NAV2: variants seen among roughly 807,000 people sequenced by gnomAD.
NAV2 encodes helicase, APC down-regulated 1.
Under a neutral mutation model 223.2 loss-of-function variants are expected in NAV2, and 54 were observed. The observed-to-expected ratio is 0.24, with a 90% CI of 0.19 to 0.30. The LOEUF (loss-of-function observed/expected upper bound fraction) is 0.30, where lower values mean the gene tolerates loss of function less well. Among genes scored for constraint, NAV2 ranks in the 10% least tolerant of loss-of-function variants. The pLI is 1.00. For synonymous variants in NAV2, 1,279 were observed against 1,239.3 expected (o/e 1.03, Z -0.67); for missense variants, 2,806 against 3,147.5 (o/e 0.89, Z 2.60).
chr11:20,080,697 A>C (rs1241487261), intron 25 of NAV2, among the ~76,000 whole-genome samples: 1 of 152,234 alleles, frequency 6.6e-6, no homozygotes, highest in East Asian at 1.9e-4. Flanking sequence ...TGTCCTATAA[A>C]TAAAAGTGTC....
At chr11:20,063,043 A>T (rs1043767957) in intron 20 of NAV2, among the ~76,000 whole-genome samples, 1 of 152,250 alleles carries the variant, frequency 6.6e-6, no homozygotes, top group African/African-American at 2.4e-5. Flanking sequence ...TTCCTACCTT[A>T]TAGAGGTGTA....
intron 1 of NAV2, among the ~76,000 whole-genome samples, chr11:19,806,266 C>T (rs1477028626): frequency 1.3e-5 from 2 of 152,206 alleles, no homozygotes; most frequent in African/African-American, 2.4e-5. Context: ...GAAAATATTC[C>T]TTTCCTGACT....
chr11:19,501,723 G>C (rs561715808), intron 1 of NAV2, among the ~76,000 whole-genome samples: 4 of 151,748 alleles, frequency 2.6e-5, no homozygotes, highest in African/African-American at 9.7e-5. Flanking sequence ...TAGGAGAAAT[G>C]GATTTATTTT....
At chr11:20,085,962 C>G (rs566117744) in intron 26 of NAV2, among the ~76,000 whole-genome samples, 1 of 152,300 alleles carries the variant, frequency 6.6e-6, no homozygotes, top group African/African-American at 2.4e-5. Context: ...CCACCCCAGC[C>G]TCCCAATGAG....
At chr11:19,825,130 A>C (rs10833181) in intron 1 of NAV2, among the ~76,000 whole-genome samples, 34,065 of 151,206 alleles carry the variant, frequency 0.23, 4,292 homozygotes, top group East Asian at 0.33. Context: ...CATCTCTACC[A>C]AAAATACAAA....
chr11:20,004,057 G>A (rs1224460866), intron 11 of NAV2, among the ~76,000 whole-genome samples: 3 of 152,114 alleles, frequency 2.0e-5, no homozygotes, highest in Non-Finnish European at 4.4e-5. Context: ...TAACTTGCTG[G>A]TGAACTCCTG....
intron 1 of NAV2, among the ~76,000 whole-genome samples, chr11:19,547,287 G>A (rs1203469370): frequency 6.6e-6 from 1 of 152,226 alleles, no homozygotes; most frequent in Non-Finnish European, 1.5e-5. Context: ...GCAGATGACA[G>A]CTTTAAAGAT....
At chr11:19,461,867 G>A (rs1056075832) in intron 1 of NAV2, among the ~76,000 whole-genome samples, 15 of 152,164 alleles carry the variant, frequency 9.9e-5, no homozygotes, top group African/African-American at 2.7e-4. Context: ...GTGCAGTGGC[G>A]CGATCTCGCC....
chr11:19,977,829 G>T (rs1342227181), intron 10 of NAV2, among the ~76,000 whole-genome samples: 11 of 141,746 alleles, frequency 7.8e-5, no homozygotes, highest in African/African-American at 2.9e-4. Context: ...TTTGAGACAG[G>T]GTTTCACTCC....
intron 1 of NAV2, among the ~76,000 whole-genome samples, chr11:19,465,197 G>A (rs570205140): frequency 1.3e-5 from 2 of 152,294 alleles, no homozygotes; most frequent in African/African-American, 4.8e-5. Flanking sequence ...GGCACTGGGA[G>A]TGTCATTGCT....
chr11:19,364,698 A>C (rs1275644791), intron 1 of NAV2, among the ~76,000 whole-genome samples: 1 of 152,230 alleles, frequency 6.6e-6, no homozygotes. Flanking sequence ...GACCTGGAGC[A>C]GACAGATGCC....
At position 20,107,686 on chromosome 11, in the gene NAV2, C is replaced by T. The variant is rs888002831; in HGVS notation, c.6864C>T (p.Cys2288=). Residue 2288 remains cysteine (C), a synonymous_variant, in exon 36 of 38, where the codon TGC becomes TGT. Coordinates refer to ENST00000349880, the MANE Select transcript of NAV2 (RefSeq NM_145117.5). ...VTIGPRLFLS[C]PIDVDGSRVW... ...CAGGCCCCCGGCTCTTCCTGTCATG[C>T]CCCATCGATGTGGACGGCTCGAGAG... 2 of 1,613,960 alleles carry T rather than the reference C, an allele frequency of 1.2e-6. No individual in the cohort carries two copies. The highest frequency in any genetic ancestry group is 1.7e-5 in the Admixed American group (1 of 60,004).
At chr11:20,106,646 T>G (rs2062143618) in intron 35 of NAV2, among the ~76,000 whole-genome samples, 1 of 151,978 alleles carries the variant, frequency 6.6e-6, no homozygotes, top group African/African-American at 2.4e-5. Flanking sequence ...TTTTTGTTTT[T>G]GTTTTTGTTT....
At chr11:19,477,990 A>G (rs1329188445) in intron 1 of NAV2, among the ~76,000 whole-genome samples, 2 of 152,230 alleles carry the variant, frequency 1.3e-5, no homozygotes, top group African/African-American at 4.8e-5. Flanking sequence ...TGCTGCTATC[A>G]TGGCAAATTC....
At chr11:19,953,861 G>GTT (rs2047605260) in intron 10 of NAV2, among the ~76,000 whole-genome samples, 1 of 150,348 alleles carries the variant, frequency 6.7e-6, no homozygotes, top group Non-Finnish European at 1.5e-5. Flanking sequence ...GCGCGCGCGT[G>GTT]TGTGTGTGTG....
At chr11:19,405,249 A>C (rs551491774) in intron 1 of NAV2, among the ~76,000 whole-genome samples, 1 of 152,132 alleles carries the variant, frequency 6.6e-6, no homozygotes, top group Non-Finnish European at 1.5e-5. Flanking sequence ...GAGATCATGG[A>C]AAGGAACAAG....
chr11:19,574,279 G>A (rs28424073), intron 1 of NAV2, among the ~76,000 whole-genome samples: 7,404 of 152,232 alleles, frequency 0.049, 341 homozygotes, highest in East Asian at 0.14. Context: ...ATAAATGTTA[G>A]ATATTTTATG....
chr11:19,509,343 G>C (rs989176927), intron 1 of NAV2, among the ~76,000 whole-genome samples: 7 of 152,180 alleles, frequency 4.6e-5, no homozygotes, highest in Admixed American at 4.6e-4. Flanking sequence ...CAGGAACTAC[G>C]TCATTAGCAT....
At chr11:20,074,762 T>C (rs992432124) in intron 22 of NAV2, among the ~76,000 whole-genome samples, 8 of 71,938 alleles carry the variant, frequency 1.1e-4, no homozygotes, top group South Asian at 3.8e-4. Flanking sequence ...CAACTCTGCT[T>C]TTTTTTTTTT....
Sources: allele counts gnomAD v4.1 joint callset (sites outside exome capture counted in the v4.1 genomes callset), GRCh38; gene constraint gnomAD v4.1.1; transcripts MANE v1.5; gene names NCBI Gene and HGNC (gene_info 2026-07-23, HGNC 2026-07-21).